SNRPN: variants seen among roughly 807,000 people sequenced by gnomAD.
SNRPN encodes the protein small nuclear ribonucleoprotein polypeptide N, also known as small nuclear ribonucleoprotein-associated protein N.
In SNRPN, 7 loss-of-function variants were observed where a neutral mutation model predicts 25.2. The observed-to-expected ratio is 0.28, with a 90% confidence interval of 0.16 to 0.52. The LOEUF is 0.52. SNRPN is among the 20% of genes least tolerant of loss of function. SNRPN has a pLI of 0.96. For missense variants in SNRPN, 196 were observed against 322.5 expected, an observed-to-expected ratio of 0.61 and a Z score of 3.00; for synonymous variants, 124 against 110.6, an observed-to-expected ratio of 1.12 and a Z score of -0.76.
At chr15:24,896,018 C>T (rs1566883875) in intron 2 of SNRPN, among the ~76,000 whole-genome samples, 1 of 152,180 alleles carries the variant, frequency 6.6e-6, no homozygotes, top group Non-Finnish European at 1.5e-5. Context: ...ATGAAAGGTT[C>T]ATGTTGAGTT....
intron 2 of SNRPN, chr15:24,911,255 CA>C (rs1285101808): frequency 4.7e-6 from 2 of 422,288 alleles, no homozygotes; most frequent in Non-Finnish European, 8.3e-6. Flanking sequence ...GTTCAGGAGA[CA>C]AAACCAACTG....
At chr15:24,872,104 T>C (rs2055196562) in intron 1 of SNRPN, among the ~76,000 whole-genome samples, 1 of 118,678 alleles carries the variant, frequency 8.4e-6, no homozygotes, top group South Asian at 2.9e-4. Context: ...TTGCTTCTGT[T>C]ACTTGTGTTT....
chr15:24,852,060 TA>T (rs925724416), upstream of SNRPN: 1 of 152,248 alleles, frequency 6.6e-6, no homozygotes, highest in Non-Finnish European at 1.5e-5. Flanking sequence ...GTCAGCTTGG[TA>T]AACAAATGAA....
upstream of SNRPN, chr15:24,852,265 T>C (rs1014094082): frequency 1.3e-5 from 2 of 152,206 alleles, no homozygotes; most frequent in Non-Finnish European, 2.9e-5. Context: ...CCAGTTGTTT[T>C]GTGTTTTATT....
At chr15:24,889,705 C>T (rs1190120211) in intron 2 of SNRPN, among the ~76,000 whole-genome samples, 2 of 152,056 alleles carry the variant, frequency 1.3e-5, no homozygotes, top group South Asian at 4.1e-4. Flanking sequence ...ACTGAATGTG[C>T]ATCCCTACAT....
intron 1 of SNRPN, 27 bp downstream of exon 1, chr15:24,955,089 A>G (rs752253979): frequency 8.7e-6 from 14 of 1,613,516 alleles, no homozygotes; most frequent in Middle Eastern, 1.7e-4. Context: ...GCTTCTCTCA[A>G]GAGACAGCCT....
At chr15:24,904,610 G>A (rs559322695) in intron 2 of SNRPN, among the ~76,000 whole-genome samples, 5 of 151,376 alleles carry the variant, frequency 3.3e-5, no homozygotes, top group South Asian at 2.1e-4. Context: ...AGCCAAGATC[G>A]GGCCACTGCA....
rs113183574 is a variant in SNRPN, at chr15:24,888,112, C to CTTTTTTTT, written c.-505+1530_-505+1537dup. On this transcript the variant is annotated intron_variant, in intron 2 of 11. Coordinates refer to the SNRPN transcript ENST00000400097. Reference sequence around the variant, plus strand: ...AAAATGACAAATATATTAGAAATGACTTTTTTTTTTTTTTGAGATGTAGTC... The same window carrying CTTTTTTTT: ...AAAATGACAAATATATTAGAAATGACTTTTTTTTTTTTTTTTTTTTTTGAGATGTAGTC... Among the ~76,000 whole-genome samples the CTTTTTTTT allele has an allele frequency of 8.9e-4, 125 of 139,924 alleles. 1 individual carries two copies. Among genetic ancestry groups the CTTTTTTTT allele is most frequent in the South Asian group, 3.9e-3 (17 of 4,378 alleles). The allele number at this position is 139,924 out of a possible 152,430, so 91.8% of individuals were successfully genotyped here.
chr15:24,921,428 T>A (rs1443789220), intron 3 of SNRPN, among the ~76,000 whole-genome samples: 2 of 152,124 alleles, frequency 1.3e-5, no homozygotes, highest in Non-Finnish European at 2.9e-5. Flanking sequence ...TTCCTTCTGT[T>A]CATATAAAGG....
At chr15:24,935,883 C>T (rs1488480280) in intron 3 of SNRPN, among the ~76,000 whole-genome samples, 2 of 152,066 alleles carry the variant, frequency 1.3e-5, no homozygotes, top group African/African-American at 4.8e-5. Flanking sequence ...CTTTGGGAGG[C>T]CAAGGTGGGT....
At chr15:24,966,674 AAGGATGTAT>A (rs1164867114) in intron 2 of SNRPN, among the ~76,000 whole-genome samples, 27 of 152,188 alleles carry the variant, frequency 1.8e-4, no homozygotes, top group African/African-American at 5.8e-4. Context: ...GGTAAATTCC[AAGGATGTAT>A]AGGATGTATA....
chr15:24,876,191 T>C (rs548385231), intron 1 of SNRPN, among the ~76,000 whole-genome samples: 2 of 152,354 alleles, frequency 1.3e-5, no homozygotes, highest in South Asian at 4.1e-4. Context: ...TGCAGACTAA[T>C]GTCTTTATCA....
At chr15:24,947,369 G>A (rs1388251992) in intron 3 of SNRPN, among the ~76,000 whole-genome samples, 1 of 152,160 alleles carries the variant, frequency 6.6e-6, no homozygotes, top group Non-Finnish European at 1.5e-5. Context: ...GGTGGCTCAC[G>A]CCTGTAATCC....
At position 24,918,877 on chromosome 15, in the gene SNRPN, A is replaced by G. The variant is rs1259712304; in HGVS notation, c.-504-1134A>G. ...TATATATAACAATATATATATGTGC[A>G]TATATATATAACATAATATATATAT... On this transcript the variant is annotated intron_variant, in intron 2 of 11. Transcript: ENST00000400097. Among the ~76,000 whole-genome samples the G allele has an allele frequency of 2.1e-4, 25 of 119,176 alleles. 3 individuals carry two copies. The highest frequency in any genetic ancestry group is 8.1e-4 in the African/African-American group (24 of 29,538). The allele number at this position is 119,176 out of a possible 152,430, so 78.2% of individuals were successfully genotyped here. A position where few individuals can be genotyped will look rare whatever the true frequency, so the allele number is the denominator to read the frequency against.
At chr15:24,966,547 A>T (rs893465192) in intron 2 of SNRPN, among the ~76,000 whole-genome samples, 1 of 152,086 alleles carries the variant, frequency 6.6e-6, no homozygotes, top group African/African-American at 2.4e-5. Context: ...CCAACCCTTT[A>T]GTCTTTGTTT....
At position 24,962,223 on chromosome 15, in the gene SNRPN, G is replaced by A. The variant is rs770772789; in HGVS notation, c.-295+14G>A. The A allele has an allele frequency of 2.5e-6, 4 of 1,607,256 alleles. No individual in the cohort carries two copies. Among genetic ancestry groups the A allele is most frequent in the Non-Finnish European group, 2.6e-6 (3 of 1,173,800 alleles). ...GAGCAACCAAGAGTGAGTACAGACT[G>A]TGTTGGGAACAAATGCAAGTCAGAA... On this transcript the variant is annotated intron_variant, in intron 2 of 9. Transcript: ENST00000390687.
At chr15:24,911,483 G>A (rs1168855211) in intron 2 of SNRPN, among the ~76,000 whole-genome samples, 1 of 152,072 alleles carries the variant, frequency 6.6e-6, no homozygotes, top group African/African-American at 2.4e-5. Context: ...GGGAACTTGG[G>A]GCTCACTGAC....
chr15:24,976,430 A>C lies in SNRPN; in HGVS notation c.267+14A>C, dbSNP rs202137342. 44 of 1,533,266 alleles carry C rather than the reference A, an allele frequency of 2.9e-5. No individual in the cohort carries two copies. In the East Asian group the frequency reaches 9.4e-4, roughly 33 times the overall value. 95.0% of individuals were successfully genotyped at this position (1,533,266 alleles called of 1,614,324 possible). ...CCCCCCAAAGATGTAAGGAAGATGT[A>C]GGGCAGGACAGAACTTTAATTTGCA... is the stretch of plus-strand genomic sequence containing the variant. On this transcript the variant is annotated intron_variant, in intron 6 of 9. Transcript: ENST00000390687.
At chr15:24,834,790 G>A (rs1251074368) in intron 2 of SNRPN, among the ~76,000 whole-genome samples, 1 of 124,648 alleles carries the variant, frequency 8.0e-6, no homozygotes, top group Non-Finnish European at 1.7e-5. Context: ...GCCAGGCGTG[G>A]TGGCAGTCAC....
Sources: allele counts gnomAD v4.1 joint callset (sites outside exome capture counted in the v4.1 genomes callset), GRCh38; gene constraint gnomAD v4.1.1; transcripts MANE v1.5; gene names NCBI Gene and HGNC (gene_info 2026-07-23, HGNC 2026-07-21).